Variants in WWP2 observed in about 807,000 individuals in gnomAD.
The protein encoded by WWP2 is WW domain containing E3 ubiquitin protein ligase 2.
Under a neutral mutation model 121.0 loss-of-function variants are expected in WWP2, and 57 were observed. That is an observed-to-expected ratio of 0.47 (90% CI 0.38 to 0.59). The LOEUF (loss-of-function observed/expected upper bound fraction) is 0.59, where lower values mean the gene tolerates loss of function less well. Ranked by LOEUF, WWP2 falls within the 20% of genes least tolerant of loss-of-function variation. The pLI, the probability that WWP2 is intolerant of heterozygous loss-of-function variation, is 0.00. For missense variants in WWP2, 962 were observed against 1,158.9 expected (o/e 0.83, Z 2.47); for synonymous variants, 449 against 441.3 (o/e 1.02, Z -0.22).
chr16:69,823,138 A>G (rs78905986), intron 4 of WWP2, among the ~76,000 whole-genome samples: 4 of 152,248 alleles, frequency 2.6e-5, no homozygotes, highest in African/African-American at 9.6e-5. Flanking sequence ...CTCAAAAAAG[A>G]AAAAAGTAAA....
chr16:69,789,480 G>A (rs960991860), intron 2 of WWP2, among the ~76,000 whole-genome samples: 4 of 152,126 alleles, frequency 2.6e-5, no homozygotes, highest in Admixed American at 2.6e-4. Context: ...TCCCCGCCTC[G>A]GCCTCCCAAA....
intron 2 of WWP2, among the ~76,000 whole-genome samples, chr16:69,794,285 G>A (rs371100646): frequency 6.6e-6 from 1 of 152,168 alleles, no homozygotes; most frequent in Non-Finnish European, 1.5e-5. Context: ...AGTACTTTAG[G>A]AGGCTGAGGC....
At position 69,857,131 on chromosome 16, in the gene WWP2, T is replaced by G. The variant is rs189221440; in HGVS notation, c.576-14673T>G. Among the ~76,000 whole-genome samples the G allele has an allele frequency of 2.6e-5, 4 of 152,210 alleles. No individual in the cohort carries two copies. The East Asian group carries it at 7.7e-4, about 29-fold the overall frequency. On this transcript the variant is annotated intron_variant, in intron 6 of 23. Coordinates refer to ENST00000359154, the MANE Select transcript of WWP2 (RefSeq NM_001270454.2). ...TTTTTTTACTTTTTTTGAGACAGAGTCTCACTCTGTCGCTCAGGCTGGAGT... is the reference window on the plus strand; with the variant it reads ...TTTTTTTACTTTTTTTGAGACAGAGGCTCACTCTGTCGCTCAGGCTGGAGT...
intron 7 of WWP2, among the ~76,000 whole-genome samples, chr16:69,878,706 T>G (rs1005177162): frequency 1.3e-5 from 2 of 152,182 alleles, no homozygotes; most frequent in Non-Finnish European, 2.9e-5. Context: ...CTTCTTTGCT[T>G]TTTAAAAGTG....
intron 12 of WWP2, 28 bp from the exon 13 acceptor site, chr16:69,930,102 C>A: frequency 1.2e-6 from 2 of 1,613,736 alleles, no homozygotes; most frequent in South Asian, 1.1e-5. Flanking sequence ...GGGGCCAGCC[C>A]TTCACCCTTT....
chr16:69,762,491 C>G (rs1317927383), intron 1 of WWP2, 100 bp downstream of exon 1: 1 of 147,532 alleles, frequency 6.8e-6, no homozygotes, highest in Non-Finnish European at 1.5e-5. Flanking sequence ...CGGCGCGGCC[C>G]GGGCGTCGGG....
chr16:69,934,260 A>C, intron 17 of WWP2, 131 bp downstream of exon 17: 1 of 1,233,086 alleles, frequency 8.1e-7, no homozygotes, highest in Non-Finnish European at 1.1e-6. Context: ...GCAGCATTGG[A>C]GGAGGCCCTG....
chr16:69,939,319 C>T (rs574506406), intron 22 of WWP2, 22 bp from the exon 23 acceptor site: 35 of 1,614,018 alleles, frequency 2.2e-5, no homozygotes, highest in South Asian at 1.4e-4. Flanking sequence ...CTGACGTCGG[C>T]GTGTTTTACC....
At chr16:69,822,799 G>T (rs1177419373) in intron 4 of WWP2, among the ~76,000 whole-genome samples, 7 of 152,214 alleles carry the variant, frequency 4.6e-5, no homozygotes, top group African/African-American at 1.7e-4. Flanking sequence ...AGAATTTGAG[G>T]TGTGTGTATA....
At chr16:69,838,716 C>G (rs1334936957) in intron 4 of WWP2, 2 of 985,254 alleles carry the variant, frequency 2.0e-6, no homozygotes, top group African/African-American at 3.5e-5. Flanking sequence ...GAACTCGTTT[C>G]CTTTGGAAAC....
At chr16:69,872,672 A>G (rs2057662390) in intron 7 of WWP2, among the ~76,000 whole-genome samples, 1 of 152,224 alleles carries the variant, frequency 6.6e-6, no homozygotes, top group Admixed American at 6.5e-5. Flanking sequence ...TGATGGCACC[A>G]CTGGTGAATG....
chr16:69,829,676 CAG>C (rs1326813177), intron 4 of WWP2, among the ~76,000 whole-genome samples: 1 of 152,216 alleles, frequency 6.6e-6, no homozygotes, highest in Non-Finnish European at 1.5e-5. Flanking sequence ...TCTGGCTGCT[CAG>C]GGGACCATAT....
intron 4 of WWP2, among the ~76,000 whole-genome samples, chr16:69,803,926 G>A (rs1223637135): frequency 6.6e-6 from 1 of 151,948 alleles, no homozygotes; most frequent in African/African-American, 2.4e-5. Context: ...ATAAAGTAAA[G>A]GAATAAAGAA....
intron 1 of WWP2, among the ~76,000 whole-genome samples, chr16:69,762,952 G>T (rs1286189731): frequency 6.6e-6 from 1 of 152,170 alleles, no homozygotes; most frequent in African/African-American, 2.4e-5. Context: ...CTTCCCTCGC[G>T]CCCACTTAGT....
intron 9 of WWP2, among the ~76,000 whole-genome samples, chr16:69,916,943 C>T (rs2058487700): frequency 1.3e-5 from 2 of 152,128 alleles, no homozygotes; most frequent in Non-Finnish European, 2.9e-5. Flanking sequence ...GTGGGAGGAT[C>T]GTTTGAGTCC....
intron 4 of WWP2, among the ~76,000 whole-genome samples, chr16:69,834,338 C>T (rs1473133298): frequency 6.6e-6 from 1 of 152,114 alleles, no homozygotes; most frequent in African/African-American, 2.4e-5. Flanking sequence ...GAATGTTCTT[C>T]CTCCAGATAC....
At position 69,842,304 on chromosome 16, in the gene WWP2, T is replaced by A. The variant is rs147239821; in HGVS notation, c.575+184T>A. On this transcript the variant is annotated intron_variant, in intron 6 of 23. Coordinates refer to ENST00000359154, the MANE Select transcript of WWP2 (RefSeq NM_001270454.2). ...CAGAGCTTAGGATCCTTATTTATTT[T>A]TTTTTTAATTGAATTTGGATTTTTA... is the stretch of plus-strand genomic sequence containing the variant. Among the ~76,000 whole-genome samples the A allele has an allele frequency of 2.4e-3, 359 of 152,326 alleles. 5 individuals carry two copies. The highest frequency in any genetic ancestry group is 7.9e-3 in the African/African-American group (327 of 41,560).
At chr16:69,912,879 C>T (rs1348453169) in intron 9 of WWP2, among the ~76,000 whole-genome samples, 2 of 122,472 alleles carry the variant, frequency 1.6e-5, no homozygotes, top group African/African-American at 3.0e-5. Flanking sequence ...TCCAGGAGTT[C>T]GAGACTAGCC....
chr16:69,925,121 C>T lies in WWP2; in HGVS notation c.1180-309C>T. 8.8e-7 allele frequency: 1 copy of T among 1,136,052 alleles called. No homozygotes were observed. Among genetic ancestry groups the T allele is most frequent in the Non-Finnish European group, 1.1e-6 (1 of 924,340 alleles). 70.4% of individuals were successfully genotyped at this position (1,136,052 alleles called of 1,614,324 possible). On this transcript the variant is annotated intron_variant, in intron 10 of 23. Transcript: ENST00000359154. This position sits in a 1 kb window ranked among gnomAD's most constrained non-coding sequence, Gnocchi z 4.0. ...CCCGGGCCTTCCTACCATGCCAGGG[C>T]TGCTCCCTGCCTCCGCCACCCTGGC...
Sources: allele counts gnomAD v4.1 joint callset (sites outside exome capture counted in the v4.1 genomes callset), GRCh38; gene constraint gnomAD v4.1.1; non-coding constraint Gnocchi (gnomAD v3.1); transcripts MANE v1.5; gene names NCBI Gene and HGNC (gene_info 2026-07-23, HGNC 2026-07-21).